Variants in PLCB1 observed in about 807,000 individuals in gnomAD.
PLCB1 encodes phospholipase C beta 1, also known as 1-phosphatidylinositol 4,5-bisphosphate phosphodiesterase beta-1.
In PLCB1, 46 loss-of-function variants were observed where a neutral mutation model predicts 161.8. The observed-to-expected ratio is 0.28, with a 90% CI of 0.22 to 0.36. PLCB1 has a LOEUF of 0.36. Ranked by LOEUF, PLCB1 falls within the 10% of genes least tolerant of loss-of-function variation. The pLI is 1.00. For missense variants in PLCB1, 1,016 were observed against 1,472.5 expected, an observed-to-expected ratio of 0.69 and a Z score of 5.07; for synonymous variants, 517 against 503.7, an observed-to-expected ratio of 1.03 and a Z score of -0.35.
chr20:8,146,096 GTTTTTTTTGTTTTTT>G (rs1568569236), intron 1 of PLCB1, among the ~76,000 whole-genome samples: 1 of 101,306 alleles, frequency 9.9e-6, no homozygotes. Context: ...TACTGTTTTT[GTTTTTTTTGTTTTTT>G]TTTTTTTTGG....
At chr20:8,878,280 TTGGAAACACATG>T (rs1234802215) in intron 31 of PLCB1, among the ~76,000 whole-genome samples, 2 of 152,176 alleles carry the variant, frequency 1.3e-5, no homozygotes, top group Admixed American at 6.5e-5. Flanking sequence ...CCTATCTTCC[TTGGAAACACATG>T]TGTTACTGAA....
intron 23 of PLCB1, among the ~76,000 whole-genome samples, chr20:8,742,476 A>G (rs1980933607): frequency 1.3e-5 from 2 of 152,170 alleles, no homozygotes; most frequent in South Asian, 2.1e-4. Flanking sequence ...TCCTCGATTT[A>G]TTATAGAAAA....
intron 3 of PLCB1, among the ~76,000 whole-genome samples, chr20:8,533,431 A>T (rs1205058276): frequency 6.6e-6 from 1 of 152,064 alleles, no homozygotes; most frequent in Admixed American, 6.5e-5. Flanking sequence ...TCCCTGAGAA[A>T]TCGCCACACT....
chr20:8,817,453 C>T (rs1445241087), intron 31 of PLCB1, among the ~76,000 whole-genome samples: 2 of 152,054 alleles, frequency 1.3e-5, no homozygotes, highest in African/African-American at 4.8e-5. Flanking sequence ...CTGAATTCAC[C>T]CCACCTGACA....
At chr20:8,697,856 T>C in intron 11 of PLCB1, 73 bp downstream of exon 11, 1 of 1,383,578 alleles carries the variant, frequency 7.2e-7, no homozygotes, top group Non-Finnish European at 1.0e-6. Context: ...CCTCCTAAGG[T>C]AGAAAGTCCC....
intron 3 of PLCB1, among the ~76,000 whole-genome samples, chr20:8,511,051 A>G (rs1309770392): frequency 6.6e-6 from 1 of 152,154 alleles, no homozygotes; most frequent in Non-Finnish European, 1.5e-5. Flanking sequence ...ATTATTAATT[A>G]TGGTCACCAT....
chr20:8,541,699 A>G (rs1420596624), intron 3 of PLCB1, among the ~76,000 whole-genome samples: 2 of 152,172 alleles, frequency 1.3e-5, no homozygotes, highest in Non-Finnish European at 2.9e-5. Flanking sequence ...AATAATTTGT[A>G]TTTATTTATT....
At chr20:8,276,986 C>CTTCTTCTTCTTATTATTATTATTA (rs869194352) in intron 2 of PLCB1, among the ~76,000 whole-genome samples, 2 of 93,350 alleles carry the variant, frequency 2.1e-5, no homozygotes, top group Non-Finnish European at 2.0e-5. Flanking sequence ...TCTTCTTCTT[C>CTTCTTCTTCTTATTATTATTATTA]TTATTATTAT....
intron 2 of PLCB1, among the ~76,000 whole-genome samples, chr20:8,245,564 A>G (rs1404514614): frequency 6.6e-6 from 1 of 151,914 alleles, no homozygotes; most frequent in Non-Finnish European, 1.5e-5. Flanking sequence ...TTTGTGTACT[A>G]CAGTGAGAAA....
chr20:8,399,278 T>G (rs1353114835), intron 3 of PLCB1, among the ~76,000 whole-genome samples: 1 of 152,176 alleles, frequency 6.6e-6, no homozygotes, highest in East Asian at 1.9e-4. Context: ...TAACATTTAT[T>G]TAAAAGTCCA....
At chr20:8,508,764 T>C (rs1052716556) in intron 3 of PLCB1, among the ~76,000 whole-genome samples, 2 of 152,100 alleles carry the variant, frequency 1.3e-5, no homozygotes, top group African/African-American at 4.8e-5. Context: ...AATGTGCAAA[T>C]TTAAAACATG....
chr20:8,161,299 G>A (rs1189889591), intron 2 of PLCB1, among the ~76,000 whole-genome samples: 1 of 152,118 alleles, frequency 6.6e-6, no homozygotes, highest in Non-Finnish European at 1.5e-5. Context: ...CATAGTGTGT[G>A]TATACTTACA....
intron 3 of PLCB1, among the ~76,000 whole-genome samples, chr20:8,581,849 T>C (rs1244401406): frequency 2.0e-5 from 3 of 152,216 alleles, no homozygotes; most frequent in Admixed American, 1.3e-4. Context: ...TTCAGTTGTA[T>C]GGAAAATGAA....
chr20:8,650,850 G>GA (rs11087816), intron 7 of PLCB1, among the ~76,000 whole-genome samples: 71,147 of 151,868 alleles, frequency 0.47, 18,107 homozygotes, highest in African/African-American at 0.68. Context: ...TTTTTACTGA[G>GA]GGGGTGCAGG....
chr20:8,660,663 C>G (rs1189220927), intron 9 of PLCB1, among the ~76,000 whole-genome samples: 1 of 152,034 alleles, frequency 6.6e-6, no homozygotes, highest in Non-Finnish European at 1.5e-5. Context: ...GATTTTGATT[C>G]TAATGGAAAT....
intron 15 of PLCB1, 26 bp from the exon 16 acceptor site, chr20:8,724,630 G>A (rs375522797): frequency 1.5e-6 from 2 of 1,298,100 alleles, no homozygotes; most frequent in Non-Finnish European, 2.2e-6. Context: ...CTCTGGAAAT[G>A]TTTTCTTTTT....
At chr20:8,419,399 A>T (rs1023476550) in intron 3 of PLCB1, among the ~76,000 whole-genome samples, 1 of 152,164 alleles carries the variant, frequency 6.6e-6, no homozygotes, top group African/African-American at 2.4e-5. Context: ...ATGGTTCCAG[A>T]ATTTACAATG....
chr20:8,629,881 CTCTCTTTCTT>C (rs747883061), intron 4 of PLCB1, among the ~76,000 whole-genome samples: 36 of 117,390 alleles, frequency 3.1e-4, no homozygotes, highest in Admixed American at 1.6e-3. Context: ...TTCTTTCTCT[CTCTCTTTCTT>C]TTCTTTCTTT....
chr20:8,491,710 A>G (rs1391174896), intron 3 of PLCB1, among the ~76,000 whole-genome samples: 1 of 152,090 alleles, frequency 6.6e-6, no homozygotes, highest in East Asian at 1.9e-4. Flanking sequence ...TGTGAACTCA[A>G]ATTGCCTTAA....
Sources: allele counts gnomAD v4.1 joint callset (sites outside exome capture counted in the v4.1 genomes callset), GRCh38; gene constraint gnomAD v4.1.1; transcripts MANE v1.5; gene names NCBI Gene and HGNC (gene_info 2026-07-23, HGNC 2026-07-21).